Variants in ADAM22 observed in about 807,000 individuals in gnomAD.
ADAM22 encodes the protein ADAM metallopeptidase domain 22.
Under a neutral mutation model 144.6 loss-of-function variants are expected in ADAM22, and 65 were observed. The ratio of observed to expected loss-of-function variants is 0.45; its 90% CI spans 0.37 to 0.55. The LOEUF is 0.55. ADAM22 is among the 20% of genes least tolerant of loss of function. ADAM22 has a pLI of 0.00. For synonymous variants in ADAM22, 391 were observed against 412.6 expected (o/e 0.95, Z 0.63); for missense variants, 974 against 1,184.9 (o/e 0.82, Z 2.61).
intron 24 of ADAM22, 74 bp from the exon 25 acceptor site, chr7:88,168,063 A>G: frequency 1.6e-6 from 2 of 1,285,924 alleles, no homozygotes; most frequent in Non-Finnish European, 2.2e-6. Context: ...TGTGATGATT[A>G]CAAAACTGAA....
At chr7:88,039,109 G>A (rs1291859408) in intron 3 of ADAM22, among the ~76,000 whole-genome samples, 1 of 151,996 alleles carries the variant, frequency 6.6e-6, no homozygotes, top group African/African-American at 2.4e-5. Context: ...AAGGATGGTA[G>A]TCATAATCAT....
chr7:87,937,832 G>GATAC, intron 2 of ADAM22, among the ~76,000 whole-genome samples: 3 of 152,332 alleles, frequency 2.0e-5, no homozygotes, highest in African/African-American at 7.2e-5. Flanking sequence ...TGAAAGCAAT[G>GATAC]ATACCATCTT....
chr7:88,110,295 T>C lies in ADAM22; in HGVS notation c.473+2037T>C, dbSNP rs191973718. Among the ~76,000 whole-genome samples, 74 of 152,300 alleles carry C rather than the reference T, an allele frequency of 4.9e-4. 1 individual carries two copies. The highest frequency in any genetic ancestry group is 1.8e-3 in the African/African-American group (74 of 41,576). ...CACCTAGGAATAGTACAGTGAGACC[T>C]GTTCACATTTGTGACAGCAAGTGTA... On this transcript the variant is annotated intron_variant, in intron 5 of 31. Transcript: ENST00000413139.
At chr7:88,181,037 T>G (rs1846895750) in intron 27 of ADAM22, among the ~76,000 whole-genome samples, 1 of 152,144 alleles carries the variant, frequency 6.6e-6, no homozygotes, top group Non-Finnish European at 1.5e-5. Flanking sequence ...AAATAATGCT[T>G]TGATAAATGT....
chr7:88,092,381 G>T (rs1820138761), intron 4 of ADAM22, among the ~76,000 whole-genome samples: 1 of 152,158 alleles, frequency 6.6e-6, no homozygotes, highest in Non-Finnish European at 1.5e-5. Context: ...CTGATAAAGT[G>T]TTTATTTCCT....
intron 2 of ADAM22, among the ~76,000 whole-genome samples, chr7:87,975,393 C>T (rs1184682686): frequency 6.6e-6 from 1 of 152,172 alleles, no homozygotes; most frequent in African/African-American, 2.4e-5. Flanking sequence ...TAAATAGCTC[C>T]CAGCACTTGG....
chr7:88,077,567 A>G (rs1335136098), intron 4 of ADAM22, among the ~76,000 whole-genome samples: 2 of 152,202 alleles, frequency 1.3e-5, no homozygotes, highest in Non-Finnish European at 2.9e-5. Context: ...TGGGAAGTGC[A>G]AGGGGTCAGG....
chr7:88,010,947 G>A (rs1211490559), intron 3 of ADAM22, among the ~76,000 whole-genome samples: 1 of 152,198 alleles, frequency 6.6e-6, no homozygotes, highest in Non-Finnish European at 1.5e-5. Context: ...CTAAGTCTCA[G>A]AAAGTGTAAT....
chr7:88,079,471 G>A (rs1815800151), intron 4 of ADAM22, among the ~76,000 whole-genome samples: 1 of 152,278 alleles, frequency 6.6e-6, no homozygotes, highest in African/African-American at 2.4e-5. Flanking sequence ...ACATCATAAT[G>A]ACAGGATCAA....
intron 3 of ADAM22, among the ~76,000 whole-genome samples, chr7:87,986,760 A>G (rs1418308490): frequency 6.6e-6 from 1 of 152,172 alleles, no homozygotes; most frequent in African/African-American, 2.4e-5. Context: ...TGATTGTTTA[A>G]TATGACTTTT....
intron 4 of ADAM22, among the ~76,000 whole-genome samples, chr7:88,099,606 T>C (rs943814651): frequency 8.5e-5 from 13 of 152,160 alleles, no homozygotes; most frequent in African/African-American, 2.7e-4. Flanking sequence ...ATACTTATTA[T>C]AGTGAAATAT....
At chr7:88,050,932 A>C (rs189100142) in intron 3 of ADAM22, among the ~76,000 whole-genome samples, 6,737 of 152,132 alleles carry the variant, frequency 0.044, 462 homozygotes, top group African/African-American at 0.15. Flanking sequence ...GAAGTCCTTG[A>C]CCATGCCTAT....
chr7:87,980,360 A>T (rs751325597), intron 3 of ADAM22, among the ~76,000 whole-genome samples: 42 of 144,548 alleles, frequency 2.9e-4, no homozygotes, highest in Non-Finnish European at 3.6e-4. Flanking sequence ...TATAAAAATC[A>T]TGATGTGATA....
intron 2 of ADAM22, among the ~76,000 whole-genome samples, chr7:87,962,503 A>C: frequency 6.6e-6 from 1 of 152,334 alleles, no homozygotes; most frequent in Non-Finnish European, 1.5e-5. Flanking sequence ...AAGGGAAGCA[A>C]GAACAATTCT....
Position 87,983,818 on chromosome 7 carries a change from ATATTT to A in ADAM22, c.323+5409_323+5413del, listed in dbSNP as rs529077647. 1.5e-4 allele frequency among the ~76,000 whole-genome samples: 23 copies of A among 152,222 alleles called. No individual in the cohort carries two copies. The South Asian group carries it at 4.8e-3, about 32-fold the overall frequency. ...GTGTTAAAGCAATATCTTTTGTCTT[ATATTT>A]TAAGTAATAGGTATTAGATTTTATT... On this transcript the variant is annotated intron_variant, in intron 3 of 31. Transcript: ENST00000413139.
intron 18 of ADAM22, 46 bp from the exon 19 acceptor site, chr7:88,150,935 T>G: frequency 6.7e-7 from 1 of 1,482,748 alleles, no homozygotes; most frequent in South Asian, 1.1e-5. Context: ...AGCTCAGCCT[T>G]ATATTTTGCA....
At chr7:87,975,749 C>T (rs1013185207) in intron 2 of ADAM22, among the ~76,000 whole-genome samples, 2 of 152,178 alleles carry the variant, frequency 1.3e-5, no homozygotes, top group Non-Finnish European at 1.5e-5. Flanking sequence ...GTGAATAACA[C>T]GTGGCCCTTG....
intron 4 of ADAM22, among the ~76,000 whole-genome samples, chr7:88,091,372 T>C (rs1419343314): frequency 6.6e-6 from 1 of 152,202 alleles, no homozygotes; most frequent in East Asian, 1.9e-4. Context: ...TTTTTACAAA[T>C]AAATATTATA....
rs781322148 is a variant in ADAM22, at chr7:88,196,661, T to C, written c.*170T>C. On this transcript the variant is annotated 3_prime_UTR_variant, in exon 32 of 32. Coordinates refer to ENST00000413139, the MANE Select transcript of ADAM22 (RefSeq NM_001324418.2). ...TTCACATCTGGTTACCATTTTCTTTTTGTCATTGGCTTAGGATTTAACTAA... is the reference window on the plus strand; with the variant it reads ...TTCACATCTGGTTACCATTTTCTTTCTGTCATTGGCTTAGGATTTAACTAA... 1 of 677,960 alleles carries C rather than the reference T, an allele frequency of 1.5e-6. No homozygotes were observed. Among genetic ancestry groups the C allele is most frequent in the Non-Finnish European group, 2.5e-6 (1 of 394,196 alleles). The allele number at this position is 677,960 out of a possible 1,614,324, so 42.0% of individuals were successfully genotyped here.
Sources: gnomAD v4.1 joint callset for allele counts (sites outside exome capture counted in the v4.1 genomes callset) on GRCh38, gnomAD v4.1.1 for gene constraint, MANE v1.5 for transcripts, NCBI Gene and HGNC (gene_info 2026-07-23, HGNC 2026-07-21) for gene names.